HIVEP3: variants seen among roughly 807,000 people sequenced by gnomAD.
HIVEP3 encodes the protein HIVEP zinc finger 3.
In HIVEP3, 49 loss-of-function variants were observed where a neutral mutation model predicts 152.8. The observed-to-expected ratio is 0.32, with a 90% CI of 0.26 to 0.41. The LOEUF is 0.41. Ranked by LOEUF, HIVEP3 falls within the 10% of genes least tolerant of loss-of-function variation. HIVEP3 has a pLI of 1.00. For synonymous variants in HIVEP3, 1,269 were observed against 1,289.0 expected, an observed-to-expected ratio of 0.98 and a Z score of 0.33; for missense variants, 2,790 against 3,103.3, an observed-to-expected ratio of 0.90 and a Z score of 2.40.
intron 5 of HIVEP3, among the ~76,000 whole-genome samples, chr1:41,528,327 CCA>C (rs1467971548): frequency 7.4e-6 from 1 of 135,866 alleles, no homozygotes; most frequent in East Asian, 2.4e-4. Context: ...CTCCACACCC[CCA>C]CACTCACACT....
chr1:41,820,343 G>C (rs1642556292), intron 1 of HIVEP3, among the ~76,000 whole-genome samples: 1 of 152,134 alleles, frequency 6.6e-6, no homozygotes, highest in African/African-American at 2.4e-5. Context: ...TTTATCCCCA[G>C]AATGACCATA....
At chr1:41,966,730 C>T (rs1404057172) in intron 1 of HIVEP3, among the ~76,000 whole-genome samples, 14 of 151,676 alleles carry the variant, frequency 9.2e-5, no homozygotes, top group Admixed American at 9.2e-4. Context: ...ATCCACCCTC[C>T]TAAGCCTCCA....
chr1:41,782,455 C>T (rs1050315593), intron 1 of HIVEP3, among the ~76,000 whole-genome samples: 4 of 152,080 alleles, frequency 2.6e-5, no homozygotes, highest in African/African-American at 9.7e-5. Flanking sequence ...TAAATGGGGC[C>T]GGGCATGGTG....
chr1:42,021,235 C>T (rs796318979), intron 1 of HIVEP3, among the ~76,000 whole-genome samples: 11 of 152,234 alleles, frequency 7.2e-5, no homozygotes, highest in African/African-American at 2.4e-4. Context: ...ATGGTGCTGG[C>T]TTGGACTATG....
At chr1:41,512,600 T>C (rs1287945893) in intron 8 of HIVEP3, among the ~76,000 whole-genome samples, 1 of 152,222 alleles carries the variant, frequency 6.6e-6, no homozygotes, top group Non-Finnish European at 1.5e-5. Context: ...GCTCTGTGCT[T>C]CTGAGGCTAA....
chr1:41,968,841 G>T (rs1645213366), intron 1 of HIVEP3, among the ~76,000 whole-genome samples: 1 of 152,166 alleles, frequency 6.6e-6, no homozygotes, highest in Non-Finnish European at 1.5e-5. Context: ...TCCTTAAGCT[G>T]ATACACAACT....
intron 1 of HIVEP3, among the ~76,000 whole-genome samples, chr1:41,806,777 G>C (rs955898574): frequency 6.6e-6 from 1 of 152,172 alleles, no homozygotes; most frequent in African/African-American, 2.4e-5. Context: ...ACTCCAGAGG[G>C]AAGGGGCATC....
intron 2 of HIVEP3, among the ~76,000 whole-genome samples, chr1:41,691,085 T>A (rs778757652): frequency 5.3e-5 from 8 of 152,208 alleles, no homozygotes; most frequent in Non-Finnish European, 1.0e-4. Context: ...CTCATGGAGC[T>A]TCTTGGTGAA....
At position 41,847,705 on chromosome 1, in the gene HIVEP3, G is replaced by A. The variant is rs1197519587; in HGVS notation, c.-801+70708C>T. 8 of 152,262 alleles carry A rather than the reference G, an allele frequency of 5.3e-5. No homozygotes were observed. The East Asian group carries it at 1.5e-3, about 29-fold the overall frequency. The allele number at this position is 152,262 out of a possible 1,614,324, so 9.4% of individuals were successfully genotyped here. On this transcript the variant is annotated intron_variant, in intron 1 of 8. Coordinates refer to ENST00000372583, the MANE Select transcript of HIVEP3 (RefSeq NM_024503.5). ...GAGAGTAGAACGCTGAGCTGAGGCT[G>A]GCCTCCTTCACGGCCACCTTCCTCC...
chr1:41,880,205 A>G (rs1189566803), intron 1 of HIVEP3, among the ~76,000 whole-genome samples: 1 of 152,076 alleles, frequency 6.6e-6, no homozygotes, highest in African/African-American at 2.4e-5. Context: ...GACCATAGGC[A>G]TGCCACCATG....
rs34345147 is a variant in HIVEP3, at chr1:41,674,955, C to T, written c.-721+25961G>A. 1.0e-2 allele frequency among the ~76,000 whole-genome samples: 1,520 copies of T among 152,220 alleles called. 12 individuals carry two copies. Among genetic ancestry groups the T allele is most frequent in the Non-Finnish European group, 0.016 (1,070 of 68,000 alleles). On this transcript the variant is annotated intron_variant, in intron 2 of 8. Transcript: ENST00000372583. ...CCCACACAGGTCCCATCCTCTGCAC[C>T]CCATTTTCACAGCCATGGAATTCTT...
At chr1:42,018,850 TTTTCATTTGTCC>T (rs1645538080) in intron 1 of HIVEP3, among the ~76,000 whole-genome samples, 1 of 152,078 alleles carries the variant, frequency 6.6e-6, no homozygotes, top group Middle Eastern at 3.2e-3. Flanking sequence ...ACCTAAAATC[TTTTCATTTGTCC>T]TTTCATTTGT....
intron 3 of HIVEP3, among the ~76,000 whole-genome samples, chr1:41,604,284 C>A (rs12067524): frequency 0.01 from 1,578 of 152,134 alleles, 30 homozygotes; most frequent in African/African-American, 0.036. Context: ...CAAATGCCAG[C>A]AACAAATAGA....
At chr1:41,547,737 C>T (rs552769285) in intron 5 of HIVEP3, among the ~76,000 whole-genome samples, 2 of 152,348 alleles carry the variant, frequency 1.3e-5, no homozygotes, top group South Asian at 4.1e-4. Flanking sequence ...CAATAATTGA[C>T]AATAATTTTC....
chr1:41,930,279 C>T (rs1644989990), intron 1 of HIVEP3, among the ~76,000 whole-genome samples: 1 of 152,118 alleles, frequency 6.6e-6, no homozygotes, highest in South Asian at 2.1e-4. Context: ...CATGTTGCTC[C>T]CTTGCAGTCA....
At chr1:41,734,121 G>A (rs1426566391) in intron 1 of HIVEP3, among the ~76,000 whole-genome samples, 2 of 152,104 alleles carry the variant, frequency 1.3e-5, no homozygotes, top group African/African-American at 4.8e-5. Flanking sequence ...CAGTCAGTGA[G>A]CAGAGGCTGC....
intron 1 of HIVEP3, among the ~76,000 whole-genome samples, chr1:41,836,271 T>C (rs1643119777): frequency 1.3e-5 from 2 of 152,142 alleles, no homozygotes. Context: ...AAGCAGACTG[T>C]CCCTGCTGAG....
At chr1:41,819,995 T>C (rs1371022645) in intron 1 of HIVEP3, among the ~76,000 whole-genome samples, 1 of 152,102 alleles carries the variant, frequency 6.6e-6, no homozygotes, top group Admixed American at 6.5e-5. Context: ...ACAATAGCCA[T>C]AGAAAATAAG....
At chr1:41,525,772 C>T (rs908733421) in intron 5 of HIVEP3, among the ~76,000 whole-genome samples, 1 of 152,200 alleles carries the variant, frequency 6.6e-6, no homozygotes, top group Non-Finnish European at 1.5e-5. Flanking sequence ...GTCCCACATG[C>T]GCAACAGGAT....
Sources: allele counts gnomAD v4.1 joint callset (sites outside exome capture counted in the v4.1 genomes callset), GRCh38; gene constraint gnomAD v4.1.1; transcripts MANE v1.5; gene names NCBI Gene and HGNC (gene_info 2026-07-23, HGNC 2026-07-21).